DIAPH3: variants seen among roughly 807,000 people sequenced by gnomAD.
DIAPH3 encodes the protein diaphanous related formin 3.
DIAPH3 carries 117 observed loss-of-function variants against 144.3 expected under a neutral mutation model. The ratio of observed to expected loss-of-function variants is 0.81; its 90% CI spans 0.70 to 0.95. The LOEUF is 0.95. Among genes scored for constraint, DIAPH3 ranks in the 40% least tolerant of loss-of-function variants. DIAPH3 has a pLI of 0.00. For missense variants in DIAPH3, 1,421 were observed against 1,412.7 expected, an observed-to-expected ratio of 1.01 and a Z score of -0.09; for synonymous variants, 519 against 488.9, an observed-to-expected ratio of 1.06 and a Z score of -0.81.
At chr13:59,917,301 T>C (rs2047266836) in intron 18 of DIAPH3, among the ~76,000 whole-genome samples, 1 of 152,188 alleles carries the variant, frequency 6.6e-6, no homozygotes, top group Admixed American at 6.5e-5. Context: ...CTGTGGATTT[T>C]GGTATTCATC....
chr13:59,966,209 C>T (rs932740522), intron 17 of DIAPH3, among the ~76,000 whole-genome samples: 1 of 151,624 alleles, frequency 6.6e-6, no homozygotes, highest in Non-Finnish European at 1.5e-5. Flanking sequence ...CCCACAGAAG[C>T]GTTGTTGTAA....
At chr13:59,874,503 A>G (rs904313722) in intron 21 of DIAPH3, among the ~76,000 whole-genome samples, 1 of 152,172 alleles carries the variant, frequency 6.6e-6, no homozygotes, top group Non-Finnish European at 1.5e-5. Context: ...AGAATTTAGG[A>G]AAAATTAATT....
chr13:60,095,200 A>G (rs1029347316), intron 3 of DIAPH3, among the ~76,000 whole-genome samples: 6 of 152,154 alleles, frequency 3.9e-5, no homozygotes, highest in African/African-American at 1.4e-4. Flanking sequence ...ACTCGAATTC[A>G]ATGGAACTGT....
At chr13:60,162,807 TCTCACACA>T (rs1381231888) in intron 1 of DIAPH3, among the ~76,000 whole-genome samples, 3,364 of 127,826 alleles carry the variant, frequency 0.026, 44 homozygotes, top group Non-Finnish European at 0.038. Flanking sequence ...TCTCTCTCTC[TCTCACACA>T]CACACACACA....
chr13:60,151,493 C>T (rs561784688), intron 1 of DIAPH3, among the ~76,000 whole-genome samples: 2 of 152,272 alleles, frequency 1.3e-5, no homozygotes, highest in African/African-American at 4.8e-5. Flanking sequence ...CCTTGCCCAC[C>T]ACCACTAGGA....
At chr13:59,820,439 T>C (rs1043033944) in intron 24 of DIAPH3, among the ~76,000 whole-genome samples, 2 of 151,968 alleles carry the variant, frequency 1.3e-5, no homozygotes, top group African/African-American at 2.4e-5. Context: ...CTAAATCTAA[T>C]GTTCATTATG....
At chr13:59,702,456 T>C (rs2034161903) in intron 27 of DIAPH3, among the ~76,000 whole-genome samples, 1 of 152,228 alleles carries the variant, frequency 6.6e-6, no homozygotes, top group South Asian at 2.1e-4. Flanking sequence ...ATTTAAAATA[T>C]TTTATGCTGA....
chr13:59,802,181 C>T (rs896831787), intron 25 of DIAPH3, among the ~76,000 whole-genome samples: 3 of 152,168 alleles, frequency 2.0e-5, no homozygotes, highest in African/African-American at 7.2e-5. Flanking sequence ...ACAAACAATA[C>T]TATAGAAATA....
At chr13:59,760,225 A>T (rs139351971) in intron 27 of DIAPH3, among the ~76,000 whole-genome samples, 162 of 152,312 alleles carry the variant, frequency 1.1e-3, no homozygotes, top group Non-Finnish European at 2.0e-3. Context: ...ATTTTAAAAG[A>T]TCTTTTTCTT....
At chr13:59,707,745 C>T (rs1818131933) in intron 27 of DIAPH3, among the ~76,000 whole-genome samples, 1 of 152,182 alleles carries the variant, frequency 6.6e-6, no homozygotes, top group South Asian at 2.1e-4. Context: ...ACTCCCTTCA[C>T]TGCTGACATC....
Position 59,810,884 on chromosome 13 carries a change from C to T in DIAPH3, c.3067G>A (p.Glu1023Lys). The change falls in exon 25 of 28, where the codon GAA (glutamate) becomes AAA (lysine). Residue 1023 changes from glutamate (E) to lysine (K), a missense_variant. Transcript: ENST00000400324. ...GCTATTCTGACACGTTTTTCTTTTT[C>T]CTCTGCTTCTCTTTTTTTGATATTC... ...KENIKKREAEEKEKRVRIAKE... is the reference protein window; with the variant it reads ...KENIKKREAEKKEKRVRIAKE... 1 of 1,610,576 alleles carries T rather than the reference C, an allele frequency of 6.2e-7. No individual in the cohort carries two copies. Among genetic ancestry groups the T allele is most frequent in the Non-Finnish European group, 8.5e-7 (1 of 1,179,328 alleles).
At chr13:60,094,085 A>G (rs1344362173) in intron 3 of DIAPH3, among the ~76,000 whole-genome samples, 3 of 152,222 alleles carry the variant, frequency 2.0e-5, no homozygotes, top group African/African-American at 7.2e-5. Flanking sequence ...CAACAGCTGC[A>G]CCTGAAGCTA....
chr13:59,666,916 A>G, intron 27 of DIAPH3, 70 bp from the exon 28 acceptor site: 2 of 1,548,252 alleles, frequency 1.3e-6, no homozygotes, highest in South Asian at 1.1e-5. Flanking sequence ...GTTATGAAAC[A>G]CATTTAAAAT....
chr13:59,893,480 G>A (rs774328916), intron 20 of DIAPH3, among the ~76,000 whole-genome samples: 2 of 152,116 alleles, frequency 1.3e-5, no homozygotes, highest in Non-Finnish European at 1.5e-5. Flanking sequence ...GTTAGTCACA[G>A]AGTAAAAGGG....
intron 27 of DIAPH3, among the ~76,000 whole-genome samples, chr13:59,762,663 C>T (rs1457237676): frequency 2.0e-5 from 3 of 151,590 alleles, no homozygotes; most frequent in South Asian, 2.1e-4. Flanking sequence ...AAAATCGTCC[C>T]GGAAGCCTTT....
At chr13:59,795,544 T>C (rs574698434) in intron 25 of DIAPH3, among the ~76,000 whole-genome samples, 12 of 149,890 alleles carry the variant, frequency 8.0e-5, no homozygotes, top group Non-Finnish European at 1.5e-4. Flanking sequence ...GAGCTCCGCC[T>C]CCGGGTTCAC....
intron 27 of DIAPH3, among the ~76,000 whole-genome samples, chr13:59,673,700 G>T (rs1333224106): frequency 6.6e-6 from 1 of 152,176 alleles, no homozygotes; most frequent in African/African-American, 2.4e-5. Context: ...GGGTACGGGA[G>T]CTTGAGCTCA....
chr13:60,079,069 G>T (rs2057463833), intron 4 of DIAPH3, among the ~76,000 whole-genome samples: 1 of 152,022 alleles, frequency 6.6e-6, no homozygotes, highest in Non-Finnish European at 1.5e-5. Flanking sequence ...CTCTGTTTTT[G>T]ATTCAGTTTG....
At chr13:59,795,429 G>A (rs906380037) in intron 25 of DIAPH3, among the ~76,000 whole-genome samples, 1 of 151,168 alleles carries the variant, frequency 6.6e-6, no homozygotes, top group Non-Finnish European at 1.5e-5. Flanking sequence ...CTGTCCCAGG[G>A]AATTTAGGTA....
Sources: allele counts gnomAD v4.1 joint callset (sites outside exome capture counted in the v4.1 genomes callset), GRCh38; gene constraint gnomAD v4.1.1; transcripts MANE v1.5; gene names NCBI Gene and HGNC (gene_info 2026-07-23, HGNC 2026-07-21).